Variants in STK3 observed in about 807,000 individuals in gnomAD.
STK3 encodes serine/threonine kinase 3.
In STK3, 41 loss-of-function variants were observed where a neutral mutation model predicts 58.0. The observed-to-expected ratio is 0.71, with a 90% CI of 0.55 to 0.92. The LOEUF is 0.92. STK3 is among the 40% of genes least tolerant of loss of function. STK3 has a pLI of 0.00. For synonymous variants in STK3, 170 were observed against 191.0 expected (o/e 0.89, Z 0.91); for missense variants, 479 against 602.7 (o/e 0.79, Z 2.15).
intron 2 of STK3, among the ~76,000 whole-genome samples, chr8:98,772,592 G>A (rs572396860): frequency 3.3e-5 from 5 of 152,164 alleles, no homozygotes; most frequent in South Asian, 2.1e-4. Context: ...CCAGCTACTC[G>A]GGAGGTTGAG....
upstream of STK3, among the ~76,000 whole-genome samples, chr8:98,389,826 G>C (rs191535555): frequency 5.4e-4 from 82 of 151,540 alleles, no homozygotes; most frequent in African/African-American, 2.0e-3. Context: ...GAGACAGGAA[G>C]AGGAATTGTT....
At chr8:98,353,207 C>T in the STK3 span, among the ~76,000 whole-genome samples, 5 of 152,134 alleles carry the variant, frequency 3.3e-5, no homozygotes, top group African/African-American at 1.2e-4. Context: ...GGTGTGGTGG[C>T]TCATGCCTGT....
At chr8:98,772,786 C>T (rs1011664686) in intron 2 of STK3, among the ~76,000 whole-genome samples, 3 of 152,156 alleles carry the variant, frequency 2.0e-5, no homozygotes, top group Non-Finnish European at 2.9e-5. Context: ...GACATCTGCT[C>T]CCCCTTTGCC....
chr8:98,577,155 A>T (rs1472541899), intron 8 of STK3, among the ~76,000 whole-genome samples: 5 of 152,146 alleles, frequency 3.3e-5, no homozygotes, highest in African/African-American at 9.7e-5. Flanking sequence ...TGTGGAGGTA[A>T]CTGATTCTTA....
intron 1 of STK3, among the ~76,000 whole-genome samples, chr8:98,809,328 T>TGGA (rs1834079819): frequency 6.6e-6 from 1 of 152,160 alleles, no homozygotes; most frequent in Non-Finnish European, 1.5e-5. Context: ...CCTTAACCTG[T>TGGA]GGTGTCTGAC....
chr8:98,905,607 A>G, intron 1 of STK3: 1 of 976,684 alleles, frequency 1.0e-6, no homozygotes, highest in East Asian at 2.5e-5. Context: ...TACTGCTTGA[A>G]AAGAGAGCGG....
intron 3 of STK3, among the ~76,000 whole-genome samples, chr8:98,854,843 G>T (rs1425573385): frequency 1.3e-5 from 2 of 152,076 alleles, no homozygotes; most frequent in Non-Finnish European, 2.9e-5. Context: ...ATCACTTTGA[G>T]GTCAAGAGTT....
At chr8:98,727,147 A>T (rs1827849940) in intron 4 of STK3, among the ~76,000 whole-genome samples, 1 of 152,110 alleles carries the variant, frequency 6.6e-6, no homozygotes, top group Admixed American at 6.5e-5. Context: ...TGAACATATG[A>T]CCTAGGTCTA....
chr8:98,938,270 G>A (rs192139332), intron 1 of STK3, among the ~76,000 whole-genome samples: 7 of 152,276 alleles, frequency 4.6e-5, no homozygotes, highest in Non-Finnish European at 1.0e-4. Flanking sequence ...AGAAAATCCT[G>A]GAGGGAAGCA....
chr8:98,577,270 C>G (rs1179785829), intron 8 of STK3, among the ~76,000 whole-genome samples: 1 of 152,006 alleles, frequency 6.6e-6, no homozygotes, highest in Non-Finnish European at 1.5e-5. Flanking sequence ...GTGGAACACC[C>G]AAAGTCAGGA....
intron 6 of STK3, among the ~76,000 whole-genome samples, chr8:98,703,795 A>T (rs982623155): frequency 1.3e-5 from 2 of 152,154 alleles, no homozygotes; most frequent in African/African-American, 4.8e-5. Flanking sequence ...GAAGGCCCAC[A>T]AACCAGGATT....
chr8:98,743,971 C>G (rs1247554293), intron 4 of STK3, among the ~76,000 whole-genome samples: 2 of 152,114 alleles, frequency 1.3e-5, no homozygotes, highest in Non-Finnish European at 2.9e-5. Flanking sequence ...CCAAAAAACA[C>G]ATGAGAAAAT....
chr8:98,916,887 T>C (rs543433226), intron 1 of STK3, among the ~76,000 whole-genome samples: 2 of 152,146 alleles, frequency 1.3e-5, no homozygotes, highest in South Asian at 4.2e-4. Context: ...ATGGGAGTGG[T>C]TCTAGGTTAG....
intron 10 of STK3, among the ~76,000 whole-genome samples, chr8:98,462,750 T>C (rs1217106610): frequency 6.6e-6 from 1 of 152,228 alleles, no homozygotes; most frequent in Non-Finnish European, 1.5e-5. Flanking sequence ...ATGTTGTTTT[T>C]CACCTTTCTC....
At chr8:98,791,217 C>T (rs1392445106) in intron 1 of STK3, among the ~76,000 whole-genome samples, 1 of 152,110 alleles carries the variant, frequency 6.6e-6, no homozygotes, top group African/African-American at 2.4e-5. Flanking sequence ...ACTCCTCTTA[C>T]AATAGCTGCA....
At chr8:98,690,514 G>A (rs551478442) in intron 6 of STK3, among the ~76,000 whole-genome samples, 1 of 148,618 alleles carries the variant, frequency 6.7e-6, no homozygotes, top group African/African-American at 2.5e-5. Context: ...TCCACAAGGA[G>A]AACTACAAAA....
intron 6 of STK3, among the ~76,000 whole-genome samples, chr8:98,651,146 T>G (rs574817720): frequency 6.6e-6 from 1 of 152,268 alleles, no homozygotes; most frequent in African/African-American, 2.4e-5. Flanking sequence ...GAGACAAAAC[T>G]TCCAGAGGAA....
chr8:98,851,819 CA>C (rs1246649569), intron 3 of STK3, among the ~76,000 whole-genome samples: 1 of 152,078 alleles, frequency 6.6e-6, no homozygotes, highest in East Asian at 1.9e-4. Flanking sequence ...CTTGTCTTTA[CA>C]AAAACATTTT....
chr8:98,712,072 C>G (rs1048249306), intron 4 of STK3, among the ~76,000 whole-genome samples: 2 of 152,078 alleles, frequency 1.3e-5, no homozygotes, highest in South Asian at 2.1e-4. Context: ...ACTTTACAGA[C>G]AAGCAAAGGC....
Sources: allele counts gnomAD v4.1 joint callset (sites outside exome capture counted in the v4.1 genomes callset), GRCh38; gene constraint gnomAD v4.1.1; transcripts MANE v1.5; gene names NCBI Gene and HGNC (gene_info 2026-07-23, HGNC 2026-07-21).